Variants in TIAM2 observed in about 807,000 individuals in gnomAD.
TIAM2 encodes the protein rho guanine nucleotide exchange factor TIAM2.
TIAM2 carries 80 observed loss-of-function variants against 152.9 expected under a neutral mutation model. The ratio of observed to expected loss-of-function variants is 0.52; its 90% confidence interval spans 0.44 to 0.63. The LOEUF is 0.63. Among genes scored for constraint, TIAM2 ranks in the 30% least tolerant of loss-of-function variants. TIAM2 has a pLI of 0.00. For missense variants in TIAM2, 1,965 were observed against 2,120.1 expected (o/e 0.93, Z 1.44); for synonymous variants, 804 against 838.0 (o/e 0.96, Z 0.70).
chr6:155,170,859 C>T (rs1405457493), intron 9 of TIAM2, among the ~76,000 whole-genome samples: 1 of 152,164 alleles, frequency 6.6e-6, no homozygotes, highest in Admixed American at 6.5e-5. Context: ...AAATTCCTTT[C>T]ATTTATAGGA....
chr6:155,222,959 T>C (rs1009152901), intron 15 of TIAM2, among the ~76,000 whole-genome samples: 3 of 152,220 alleles, frequency 2.0e-5, no homozygotes, highest in Admixed American at 2.0e-4. Flanking sequence ...TGGAGGCTTC[T>C]CAGGTAATGG....
chr6:155,175,272 CAGAG>C (rs1246595230), intron 9 of TIAM2, among the ~76,000 whole-genome samples: 1 of 152,226 alleles, frequency 6.6e-6, no homozygotes, highest in East Asian at 1.9e-4. Flanking sequence ...AAAGATGGCA[CAGAG>C]AGACAGATTT....
chr6:155,004,996 T>G, intron 1 of TIAM2: 1 of 467,982 alleles, frequency 2.1e-6, no homozygotes. Context: ...TTAAGCCATT[T>G]GCCCCATGTG....
At chr6:155,024,816 G>A (rs113996574) in intron 1 of TIAM2, among the ~76,000 whole-genome samples, 2,333 of 152,204 alleles carry the variant, frequency 0.015, 58 homozygotes, top group African/African-American at 0.054. Flanking sequence ...CAAATGTTTC[G>A]AAATTAGGAT....
At chr6:155,017,136 G>A (rs1053259617) in intron 1 of TIAM2, among the ~76,000 whole-genome samples, 6 of 152,090 alleles carry the variant, frequency 3.9e-5, no homozygotes, top group South Asian at 4.2e-4. Context: ...CACCGCATTC[G>A]GTGATATTGA....
At chr6:155,072,706 C>G (rs554224783) in intron 1 of TIAM2, among the ~76,000 whole-genome samples, 1 of 151,984 alleles carries the variant, frequency 6.6e-6, no homozygotes, top group African/African-American at 2.4e-5. Flanking sequence ...TAGTGAAAGC[C>G]GTGAAGTCAG....
intron 22 of TIAM2, 55 bp from the exon 23 acceptor site, chr6:155,251,890 A>G (rs1783678147): frequency 1.4e-6 from 2 of 1,408,024 alleles, no homozygotes; most frequent in Admixed American, 3.8e-5. Flanking sequence ...CTCTAGTTTA[A>G]CCTTGGAAGA....
At chr6:155,022,636 G>C (rs1459385045) in intron 1 of TIAM2, 1 of 152,164 alleles carries the variant, frequency 6.6e-6, no homozygotes, top group Non-Finnish European at 1.5e-5. Flanking sequence ...TCTCTGATAC[G>C]GGTATTTAAT....
At chr6:155,044,586 G>T (rs1047334058) in intron 1 of TIAM2, among the ~76,000 whole-genome samples, 1 of 152,150 alleles carries the variant, frequency 6.6e-6, no homozygotes, top group Non-Finnish European at 1.5e-5. Flanking sequence ...GGAGGCAGAG[G>T]TGGGTGGATC....
intron 1 of TIAM2, among the ~76,000 whole-genome samples, chr6:155,070,736 A>C (rs570256737): frequency 8.5e-4 from 129 of 152,288 alleles, no homozygotes; most frequent in Admixed American, 2.2e-3. Context: ...TGATCATCTT[A>C]GTCCTTTAAG....
intron 7 of TIAM2, among the ~76,000 whole-genome samples, chr6:155,155,301 C>G (rs1259976323): frequency 2.0e-5 from 3 of 151,426 alleles, no homozygotes; most frequent in Non-Finnish European, 4.4e-5. Context: ...CTCAGCCTCC[C>G]AGGCAGCTGC....
intron 7 of TIAM2, among the ~76,000 whole-genome samples, chr6:155,159,676 A>T (rs1780215252): frequency 6.6e-6 from 1 of 152,030 alleles, no homozygotes; most frequent in Non-Finnish European, 1.5e-5. Flanking sequence ...AAGGAACCCG[A>T]GCTTCTGAAT....
At chr6:155,009,067 TC>T (rs1462129606) in intron 1 of TIAM2, among the ~76,000 whole-genome samples, 4 of 149,720 alleles carry the variant, frequency 2.7e-5, no homozygotes, top group Admixed American at 1.3e-4. Context: ...CTGGGTCCTG[TC>T]CTCTGTTTCT....
At chr6:155,080,910 T>C (rs948881542) in intron 1 of TIAM2, among the ~76,000 whole-genome samples, 4 of 152,158 alleles carry the variant, frequency 2.6e-5, no homozygotes, top group African/African-American at 9.7e-5. Flanking sequence ...ACAGTTGAAG[T>C]AGATCTTGAA....
At chr6:155,094,730 T>TG (rs1554229775) in intron 2 of TIAM2, among the ~76,000 whole-genome samples, 2 of 143,116 alleles carry the variant, frequency 1.4e-5, no homozygotes, top group Non-Finnish European at 3.1e-5. Flanking sequence ...TATGGTTTTT[T>TG]TTTTTTTGTT....
rs535142902 is a variant in TIAM2 at position 155,079,339 on chromosome 6, G to T, written c.-208-10950G>T. Among the ~76,000 whole-genome samples, 39 of 152,326 alleles carry T rather than the reference G, an allele frequency of 2.6e-4. No individual in the cohort carries two copies. In the South Asian group the frequency reaches 7.5e-3, roughly 29 times the overall value. On this transcript the variant is annotated intron_variant, in intron 1 of 26. Transcript: ENST00000682666. ...GGCCTCCCAAAGTGCCGGGATTACA[G>T]ACGTGAGCCTCCTCGCCTGGACCCA...
chr6:155,148,464 A>C (rs2115065743), intron 7 of TIAM2, 130 bp downstream of exon 7: 1 of 928,578 alleles, frequency 1.1e-6, no homozygotes, highest in Non-Finnish European at 1.6e-6. Flanking sequence ...CCTGGGGGAA[A>C]TAATTTCTGT....
intron 4 of TIAM2, among the ~76,000 whole-genome samples, chr6:155,135,046 A>C (rs887107364): frequency 4.6e-5 from 7 of 151,856 alleles, no homozygotes; most frequent in African/African-American, 1.5e-4. Context: ...TAAAAAAAAA[A>C]CTCTAAGTAT....
intron 15 of TIAM2, among the ~76,000 whole-genome samples, chr6:155,232,346 T>C (rs929013697): frequency 5.3e-5 from 8 of 152,162 alleles, no homozygotes; most frequent in Admixed American, 3.9e-4. Context: ...GACAGTGTCA[T>C]TGCGCTCTGA....
Sources: allele counts gnomAD v4.1 joint callset (sites outside exome capture counted in the v4.1 genomes callset), GRCh38; gene constraint gnomAD v4.1.1; transcripts MANE v1.5; gene names NCBI Gene and HGNC (gene_info 2026-07-23, HGNC 2026-07-21).